RTN1: variants seen among roughly 807,000 people sequenced by gnomAD.
RTN1 encodes the protein reticulon 1.
A neutral mutation model predicts 65.5 loss-of-function variants in RTN1; 25 were observed. That is an observed-to-expected ratio of 0.38 (90% CI 0.28 to 0.53). RTN1 has a LOEUF of 0.53. Among genes scored for constraint, RTN1 ranks in the 20% least tolerant of loss-of-function variants. RTN1 has a pLI of 0.79. For missense variants in RTN1, 983 were observed against 1,025.4 expected, an observed-to-expected ratio of 0.96 and a Z score of 0.57; for synonymous variants, 471 against 447.6, an observed-to-expected ratio of 1.05 and a Z score of -0.66.
chr14:59,683,237 T>G (rs1335441039), intron 3 of RTN1, among the ~76,000 whole-genome samples: 1 of 152,204 alleles, frequency 6.6e-6, no homozygotes, highest in Non-Finnish European at 1.5e-5. Context: ...ATTAATTTTG[T>G]GTATTAACAC....
chr14:59,783,724 G>C (rs1447471553), intron 1 of RTN1, among the ~76,000 whole-genome samples: 1 of 152,142 alleles, frequency 6.6e-6, no homozygotes, highest in Non-Finnish European at 1.5e-5. Context: ...TACCTGAATA[G>C]CACAGGGGTA....
rs550531330 is a variant in RTN1 at position 59,766,292 on chromosome 14, C to T, written c.242-19811G>A. Among the ~76,000 whole-genome samples, 7 of 151,972 alleles carry T rather than the reference C, an allele frequency of 4.6e-5. No individual in the cohort carries two copies. The highest frequency in any genetic ancestry group is 2.1e-4 in the South Asian group (1 of 4,816). ...CTGTGCCTCAACACAAGGTAGTTTT[C>T]GAAATAAATGCTTACTGAAAAGAGC... On this transcript the variant is annotated intron_variant, in intron 1 of 8. Transcript: ENST00000267484. The surrounding 1 kb of genome is among the most constrained non-coding windows in gnomAD (Gnocchi z 4.4).
In RTN1 at chr14:59,749,404, C is replaced by A. The variant is rs62650211; in HGVS notation, c.242-2923G>T. On this transcript the variant is annotated intron_variant, in intron 1 of 8. Transcript: ENST00000267484. ...TATATCTATATATATCTATATATATCTATATCTATATATATCTATATATCT... is the reference window on the plus strand; with the variant it reads ...TATATCTATATATATCTATATATATATATATCTATATATATCTATATATCT... 3.9e-3 allele frequency among the ~76,000 whole-genome samples: 120 copies of A among 30,924 alleles called. 12 individuals are homozygous for A. In the African/African-American group the frequency reaches 0.039, roughly 10 times the overall value. 20.3% of individuals were successfully genotyped at this position (30,924 alleles called of 152,430 possible).
At chr14:59,756,118 T>A (rs1885631893) in intron 1 of RTN1, among the ~76,000 whole-genome samples, 1 of 152,190 alleles carries the variant, frequency 6.6e-6, no homozygotes, top group South Asian at 2.1e-4. Context: ...GGCCTAAATG[T>A]TTTTCAGAGT....
At chr14:59,744,896 C>T (rs1414510530) in intron 2 of RTN1, among the ~76,000 whole-genome samples, 1 of 152,150 alleles carries the variant, frequency 6.6e-6, no homozygotes, top group Admixed American at 6.5e-5. Context: ...TTGAATGTCC[C>T]TTCCAAAACT....
At chr14:59,711,433 C>T (rs1009119717) in intron 3 of RTN1, among the ~76,000 whole-genome samples, 1 of 152,214 alleles carries the variant, frequency 6.6e-6, no homozygotes, top group African/African-American at 2.4e-5. Flanking sequence ...AGGAGATCCA[C>T]ATATAATGTT....
intron 8 of RTN1, among the ~76,000 whole-genome samples, chr14:59,602,564 C>T (rs748077397): frequency 4.0e-5 from 6 of 151,802 alleles, no homozygotes; most frequent in African/African-American, 9.7e-5. Flanking sequence ...ACACAGTTGT[C>T]GAGTTAAAAT....
rs1886831360 is a variant in RTN1 at position 59,816,924 on chromosome 14, C to A, written c.241+53466G>T. Among the ~76,000 whole-genome samples the A allele has an allele frequency of 6.6e-6, 1 of 152,066 alleles. No homozygotes were observed. Among genetic ancestry groups the A allele is most frequent in the African/African-American group, 2.4e-5 (1 of 41,404 alleles). On this transcript the variant is annotated intron_variant, in intron 1 of 8. Coordinates refer to ENST00000267484, the MANE Select transcript of RTN1 (RefSeq NM_021136.3). The surrounding 1 kb of genome is among the most constrained non-coding windows in gnomAD (Gnocchi z 4.3). ...CTCCAGCCTGGGTGACAGAAAGAGA[C>A]CGTGACTCAAAATCAATTAATTAAT...
rs114573358 is a variant in RTN1, at chr14:59,726,792, G to A, written c.1765+127C>T. 3,964 of 803,722 alleles carry A rather than the reference G, an allele frequency of 4.9e-3. 118 individuals carry two copies. In the African/African-American group the frequency reaches 0.062, roughly 13 times the overall value. 49.8% of individuals were successfully genotyped at this position (803,722 alleles called of 1,614,324 possible). ...ATCTCCTCCCATCCCCCCTGGAACC[G>A]TTCTCTGGTCAACTGTTTGATCAGC... On this transcript the variant is annotated intron_variant, in intron 3 of 8. Coordinates refer to ENST00000267484, the MANE Select transcript of RTN1 (RefSeq NM_021136.3).
intron 3 of RTN1, among the ~76,000 whole-genome samples, chr14:59,689,783 A>G (rs1257588156): frequency 6.6e-6 from 1 of 152,174 alleles, no homozygotes. Flanking sequence ...TATTAGACCA[A>G]CCTTACAAGC....
intron 4 of RTN1, among the ~76,000 whole-genome samples, chr14:59,606,260 TA>T (rs2140162750): frequency 6.6e-6 from 1 of 151,798 alleles, no homozygotes; most frequent in East Asian, 1.9e-4. Flanking sequence ...TAGAGTGCTT[TA>T]AGTGCTTACT....
At chr14:59,658,955 C>A (rs1219502369) in intron 3 of RTN1, among the ~76,000 whole-genome samples, 1 of 152,118 alleles carries the variant, frequency 6.6e-6, no homozygotes, top group Non-Finnish European at 1.5e-5. Flanking sequence ...GAAGCATGTT[C>A]TAACCCAATG....
intron 3 of RTN1, among the ~76,000 whole-genome samples, chr14:59,683,293 A>G (rs1594676271): frequency 6.6e-6 from 1 of 151,342 alleles, no homozygotes; most frequent in African/African-American, 2.5e-5. Flanking sequence ...ATCCTGGGAT[A>G]GGGGAAGTGA....
intron 3 of RTN1, among the ~76,000 whole-genome samples, chr14:59,619,210 G>T (rs1295516596): frequency 6.6e-6 from 1 of 152,306 alleles, no homozygotes; most frequent in South Asian, 2.1e-4. Flanking sequence ...GCATTTCAAA[G>T]CTGGGTGACT....
rs201140816 is a variant in RTN1 at position 59,716,283 on chromosome 14, C to G, written c.1765+10636G>C. The stretch of plus-strand genomic sequence containing the variant: ...AAAATGAGTAGATCTTATTTTAAAT[C>G]CTGGTTCTTCTACCCATGAGAAATA... On this transcript the variant is annotated intron_variant, in intron 3 of 8. Coordinates refer to ENST00000267484, the MANE Select transcript of RTN1 (RefSeq NM_021136.3). 1.4e-4 allele frequency among the ~76,000 whole-genome samples: 21 copies of G among 152,268 alleles called. No homozygotes were observed. In the East Asian group the frequency reaches 4.0e-3, roughly 29 times the overall value.
chr14:59,815,249 T>C (rs1219416460), intron 1 of RTN1, among the ~76,000 whole-genome samples: 1 of 152,152 alleles, frequency 6.6e-6, no homozygotes, highest in Non-Finnish European at 1.5e-5. Context: ...GAAACAAAAA[T>C]AGAATTTTCC....
At chr14:59,755,515 T>C (rs1372772143) in intron 1 of RTN1, among the ~76,000 whole-genome samples, 5 of 152,136 alleles carry the variant, frequency 3.3e-5, no homozygotes, top group Admixed American at 6.5e-5. Flanking sequence ...ATGTGATGGA[T>C]AGCAGCAGCC....
chr14:59,637,924 T>C (rs1882700507), intron 3 of RTN1, among the ~76,000 whole-genome samples: 1 of 151,392 alleles, frequency 6.6e-6, no homozygotes, highest in South Asian at 2.1e-4. Flanking sequence ...CGATCTCGGC[T>C]CACTGCAACT....
chr14:59,772,962 T>G (rs1238243424), intron 1 of RTN1, among the ~76,000 whole-genome samples: 1 of 152,166 alleles, frequency 6.6e-6, no homozygotes, highest in African/African-American at 2.4e-5. Context: ...CTACTGTCCA[T>G]CATTCTTTGC....
Sources: gnomAD v4.1 joint callset for allele counts (sites outside exome capture counted in the v4.1 genomes callset) on GRCh38, gnomAD v4.1.1 for gene constraint, Gnocchi (gnomAD v3.1) non-coding constraint, MANE v1.5 for transcripts, NCBI Gene and HGNC (gene_info 2026-07-23, HGNC 2026-07-21) for gene names.